The following GALNT17 variants were observed in gnomAD, a reference collection of about 807,000 sequenced individuals.
GALNT17 encodes the protein polypeptide N-acetylgalactosaminyltransferase 17.
Under a neutral mutation model 63.7 loss-of-function variants are expected in GALNT17, and 29 were observed. The observed-to-expected ratio is 0.46, with a 90% CI of 0.34 to 0.62. The LOEUF is 0.62. GALNT17 is among the 20% of genes least tolerant of loss of function. The pLI is 0.01. For synonymous variants in GALNT17, 305 were observed against 318.3 expected (o/e 0.96, Z 0.45); for missense variants, 603 against 799.6 (o/e 0.75, Z 2.97).
chr7:71,598,163 C>T (rs572465877), intron 6 of GALNT17, among the ~76,000 whole-genome samples: 108 of 152,262 alleles, frequency 7.1e-4, no homozygotes, highest in Non-Finnish European at 1.4e-3. Flanking sequence ...AGGCTGGTCT[C>T]GAACTCCTGA....
intron 1 of GALNT17, among the ~76,000 whole-genome samples, chr7:71,212,870 A>G (rs759145790): frequency 6.6e-6 from 1 of 152,146 alleles, no homozygotes; most frequent in Non-Finnish European, 1.5e-5. Flanking sequence ...TGTATCTAGG[A>G]AGTAACTAGC....
intron 1 of GALNT17, among the ~76,000 whole-genome samples, chr7:71,243,907 G>GT (rs1258047345): frequency 2.0e-5 from 3 of 152,208 alleles, no homozygotes; most frequent in African/African-American, 7.2e-5. Flanking sequence ...AGGATCAAGA[G>GT]TTTGTGGAAG....
At chr7:71,446,934 C>T (rs1274003772) in intron 5 of GALNT17, among the ~76,000 whole-genome samples, 1 of 152,174 alleles carries the variant, frequency 6.6e-6, no homozygotes, top group Admixed American at 6.5e-5. Flanking sequence ...GAGATGTGGG[C>T]ATTACTTCTT....
chr7:71,217,721 C>T (rs12699006), intron 1 of GALNT17, among the ~76,000 whole-genome samples: 47,400 of 151,578 alleles, frequency 0.31, 8,905 homozygotes, highest in South Asian at 0.53. Context: ...GTCAGGAGAT[C>T]GAGACCATCC....
At chr7:71,491,057 G>A (rs1021414492) in intron 5 of GALNT17, among the ~76,000 whole-genome samples, 2 of 152,044 alleles carry the variant, frequency 1.3e-5, no homozygotes, top group African/African-American at 4.8e-5. Context: ...AGCCGGGTAG[G>A]GTGGCACATG....
chr7:71,708,795 A>G (rs1244731407), intron 9 of GALNT17, among the ~76,000 whole-genome samples: 3 of 152,110 alleles, frequency 2.0e-5, no homozygotes, highest in Admixed American at 1.3e-4. Context: ...CCCACTCACA[A>G]GTGAGAACAT....
intron 5 of GALNT17, among the ~76,000 whole-genome samples, chr7:71,442,439 TC>T (rs1787085217): frequency 6.6e-6 from 1 of 152,152 alleles, no homozygotes; most frequent in African/African-American, 2.4e-5. Context: ...GACCTCATGA[TC>T]TGCCTGCCTC....
intron 6 of GALNT17, among the ~76,000 whole-genome samples, chr7:71,649,634 C>T (rs1452529011): frequency 6.6e-6 from 1 of 152,062 alleles, no homozygotes; most frequent in Non-Finnish European, 1.5e-5. Context: ...CACACACACA[C>T]ACACACACAC....
chr7:71,134,227 C>A (rs1186159251), intron 1 of GALNT17, among the ~76,000 whole-genome samples: 1 of 152,178 alleles, frequency 6.6e-6, no homozygotes, highest in Non-Finnish European at 1.5e-5. Context: ...TCTGGTTGAC[C>A]ACAGAGCCTG....
chr7:71,175,085 T>C (rs977361605), intron 1 of GALNT17, among the ~76,000 whole-genome samples: 19 of 152,250 alleles, frequency 1.2e-4, no homozygotes, highest in African/African-American at 4.3e-4. Context: ...TATATCTATC[T>C]ATCTATCCAT....
intron 1 of GALNT17, among the ~76,000 whole-genome samples, chr7:71,285,988 A>G (rs2115783693): frequency 6.6e-6 from 1 of 152,318 alleles, no homozygotes; most frequent in East Asian, 1.9e-4. Context: ...CATAAAGCCA[A>G]ACTAAATGCG....
chr7:71,507,820 A>G (rs1584012276), intron 5 of GALNT17, among the ~76,000 whole-genome samples: 3 of 152,126 alleles, frequency 2.0e-5, no homozygotes, highest in Admixed American at 1.3e-4. Flanking sequence ...TCCTCTCTCA[A>G]ATGATAAGCC....
Position 71,332,667 on chromosome 7 carries a change from TTTTGTTTGTTTTTGTTTG to T in GALNT17, c.239-2870_239-2853del, listed in dbSNP as rs1791827260. ...TCTTTTCTTAACAACTGGTTTGAGT[TTTTGTTTGTTTTTGTTTG>T]TTTGTTTGTTTTGTTTTTGTTTTTG... is the stretch of plus-strand genomic sequence containing the variant. On this transcript the variant is annotated intron_variant, in intron 1 of 10. Coordinates refer to ENST00000333538, the MANE Select transcript of GALNT17 (RefSeq NM_022479.3). Among the ~76,000 whole-genome samples, 5 of 146,412 alleles carry T rather than the reference TTTTGTTTGTTTTTGTTTG, an allele frequency of 3.4e-5. No homozygotes were observed. The South Asian group carries it at 1.2e-3, about 34-fold the overall frequency.
chr7:71,632,401 C>G (rs1380524648), intron 6 of GALNT17, among the ~76,000 whole-genome samples: 1 of 152,176 alleles, frequency 6.6e-6, no homozygotes, highest in African/African-American at 2.4e-5. Flanking sequence ...TCGAATATTA[C>G]ACAAGATCCA....
At chr7:71,463,453 G>A (rs1787484332) in intron 5 of GALNT17, among the ~76,000 whole-genome samples, 1 of 152,102 alleles carries the variant, frequency 6.6e-6, no homozygotes, top group Admixed American at 6.5e-5. Context: ...TCCCAATCCA[G>A]ACCTCAAGAG....
rs1003349191 is a variant in GALNT17 at position 71,540,949 on chromosome 7, C to T, written c.963-30336C>T. 9.9e-5 allele frequency among the ~76,000 whole-genome samples: 15 copies of T among 151,988 alleles called. 1 individual carries two copies. The highest frequency in any genetic ancestry group is 4.4e-5 in the Non-Finnish European group (3 of 67,992). On this transcript the variant is annotated intron_variant, in intron 5 of 10. Coordinates refer to ENST00000333538, the MANE Select transcript of GALNT17 (RefSeq NM_022479.3). ...ACATCGAAGAGTTATGCTAAAGAAA[C>T]GATGGCCAGCCGGGCGCGGTGGCTC...
At chr7:71,382,605 T>C (rs1433625270) in intron 2 of GALNT17, among the ~76,000 whole-genome samples, 2 of 151,934 alleles carry the variant, frequency 1.3e-5, no homozygotes, top group Non-Finnish European at 2.9e-5. Flanking sequence ...AACGAGGTGG[T>C]CCTCCTGGGC....
chr7:71,179,177 C>A (rs1004329283), intron 1 of GALNT17, among the ~76,000 whole-genome samples: 1 of 152,110 alleles, frequency 6.6e-6, no homozygotes, highest in African/African-American at 2.4e-5. Context: ...TTCAAAGTCA[C>A]CCCTCTGCTC....
intron 6 of GALNT17, among the ~76,000 whole-genome samples, chr7:71,613,067 A>G (rs1327625741): frequency 1.3e-5 from 2 of 152,162 alleles, no homozygotes; most frequent in Non-Finnish European, 2.9e-5. Context: ...TCTGAATCCA[A>G]GCCAACACTG....
Sources: gnomAD v4.1 joint callset for allele counts (sites outside exome capture counted in the v4.1 genomes callset) on GRCh38, gnomAD v4.1.1 for gene constraint, MANE v1.5 for transcripts, NCBI Gene and HGNC (gene_info 2026-07-23, HGNC 2026-07-21) for gene names.